MOK: variants seen among roughly 807,000 people sequenced by gnomAD.
MOK encodes MAPK/MAK/MRK overlapping kinase.
MOK carries 59 observed loss-of-function variants against 54.2 expected under a neutral mutation model. That is an observed-to-expected ratio of 1.09 (90% CI 0.88 to 1.35). The LOEUF is 1.35. Ranked by LOEUF, MOK falls within the 40% of genes most tolerant of loss-of-function variation. The probability of loss-of-function intolerance (pLI) is 0.00; values close to 1 mark genes in which losing one functional copy is unlikely to be tolerated. For synonymous variants in MOK, 210 were observed against 202.7 expected (o/e 1.04, Z -0.31); for missense variants, 517 against 526.2 (o/e 0.98, Z 0.17).
chr14:102,287,476 C>T (rs2070259238), intron 1 of MOK, among the ~76,000 whole-genome samples: 1 of 152,094 alleles, frequency 6.6e-6, no homozygotes, highest in African/African-American at 2.4e-5. Context: ...CATGGCAGCG[C>T]TATATATCTG....
intron 1 of MOK, among the ~76,000 whole-genome samples, chr14:102,292,422 G>A (rs1486592969): frequency 2.6e-5 from 4 of 151,938 alleles, no homozygotes; most frequent in African/African-American, 9.7e-5. Context: ...GCAGTGAGCC[G>A]AGATAGCACC....
At chr14:102,289,197 G>A (rs572271709) in intron 1 of MOK, among the ~76,000 whole-genome samples, 188 of 151,862 alleles carry the variant, frequency 1.2e-3, no homozygotes, top group African/African-American at 4.3e-3. Flanking sequence ...GAGCCACTGC[G>A]CTTGGCCAAT....
At chr14:102,267,508 G>A (rs773928345) in intron 2 of MOK, among the ~76,000 whole-genome samples, 2 of 152,210 alleles carry the variant, frequency 1.3e-5, no homozygotes, top group Non-Finnish European at 2.9e-5. Flanking sequence ...GGAGGCTGCA[G>A]TAAGCCAAGA....
intron 2 of MOK, among the ~76,000 whole-genome samples, chr14:102,273,912 G>A (rs2153154331): frequency 6.6e-6 from 1 of 152,224 alleles, no homozygotes; most frequent in African/African-American, 2.4e-5. Context: ...CAAATTGAAC[G>A]ATAGACTCAA....
At chr14:102,222,891 A>G (rs2064082356), downstream of MOK, 2 of 1,614,082 alleles carry the variant, frequency 1.2e-6, no homozygotes, top group South Asian at 2.2e-5. The surrounding 1 kb of genome is among the most constrained non-coding windows in gnomAD (Gnocchi z 4.4). Flanking sequence ...TAGCGACCTC[A>G]CTGCTGCGCG....
chr14:102,274,923 C>T (rs146945730), intron 2 of MOK, among the ~76,000 whole-genome samples: 1,727 of 147,716 alleles, frequency 0.012, 14 homozygotes, highest in Middle Eastern at 0.041. Flanking sequence ...TGCAGTGAGC[C>T]GAGATGACAC....
chr14:102,298,106 C>T (rs2071658227), intron 1 of MOK, among the ~76,000 whole-genome samples: 1 of 152,228 alleles, frequency 6.6e-6, no homozygotes, highest in Non-Finnish European at 1.5e-5. Context: ...GCAGCTCCAC[C>T]TGCAGCCCTG....
Position 102,304,978 on chromosome 14 carries a change from G to C in MOK, c.-10C>G. On this transcript the variant is annotated 5_prime_UTR_variant, in exon 1 of 12. Transcript: ENST00000361847. ...CCCACTCACTCTTCATCTTGGATGCGGAAGCCGGTGACAACCCCTTGCCGA... is the reference window on the plus strand; with the variant it reads ...CCCACTCACTCTTCATCTTGGATGCCGAAGCCGGTGACAACCCCTTGCCGA... The C allele has an allele frequency of 6.2e-7, 1 of 1,609,670 alleles. No individual in the cohort carries two copies. Among genetic ancestry groups the C allele is most frequent in the Non-Finnish European group, 8.5e-7 (1 of 1,178,474 alleles).
intron 2 of MOK, among the ~76,000 whole-genome samples, chr14:102,275,933 A>G (rs984874611): frequency 3.9e-5 from 6 of 152,222 alleles, no homozygotes; most frequent in Admixed American, 1.3e-4. Context: ...TTTCTCCCTT[A>G]GGATGGCTTG....
At chr14:102,295,162 C>T (rs1471526221) in intron 1 of MOK, among the ~76,000 whole-genome samples, 3 of 152,048 alleles carry the variant, frequency 2.0e-5, no homozygotes, top group Admixed American at 6.6e-5. Flanking sequence ...TGTAAATGAA[C>T]GTCATGCCCC....
chr14:102,296,647 T>C (rs540925658), intron 1 of MOK, among the ~76,000 whole-genome samples: 65 of 152,292 alleles, frequency 4.3e-4, no homozygotes, highest in African/African-American at 1.4e-3. Flanking sequence ...AAACAGAAAG[T>C]GGCCAGGCAC....
Position 102,229,303 on chromosome 14 carries a change from T to C in MOK, c.1246A>G (p.Lys416Glu), listed in dbSNP as rs777138987. The change falls in exon 12 of 12, where the codon AAA (lysine) becomes GAA (glutamate). Residue 416 changes from lysine to glutamate, a missense_variant. Coordinates refer to ENST00000361847, the MANE Select transcript of MOK (RefSeq NM_014226.3). Reference protein sequence around the residue: ...QQCRLPTIVRKGGR With the variant: ...QQCRLPTIVREGGR ...GTGCTGCTCAGTTATCTTCCGCCTT[T>C]CCGCACTATGGTGGGCAGGCGACAC... The C allele has an allele frequency of 6.2e-7, 1 of 1,607,386 alleles. No individual in the cohort carries two copies. The highest frequency in any genetic ancestry group is 1.1e-5 in the South Asian group (1 of 90,280).
chr14:102,261,385 CAAAAAAAAAAAAAAAAAA>C (rs1178540689), intron 4 of MOK, among the ~76,000 whole-genome samples: 1 of 6,486 alleles, frequency 1.5e-4, no homozygotes, highest in South Asian at 5.0e-3. Flanking sequence ...CGCCACGTCT[CAAAAAAAAAAAAAAAAAA>C]AAAAAAAAAA....
chr14:102,298,513 C>G (rs1174637014), intron 1 of MOK, among the ~76,000 whole-genome samples: 3 of 152,200 alleles, frequency 2.0e-5, no homozygotes, highest in Non-Finnish European at 4.4e-5. Flanking sequence ...CTGTGTCTAG[C>G]TGATCTCACG....
rs1367771107 is a variant in MOK, at chr14:102,238,875, C to G, written c.591-5086G>C. 1.3e-5 allele frequency among the ~76,000 whole-genome samples: 2 copies of G among 152,164 alleles called. No individual in the cohort carries two copies. The highest frequency in any genetic ancestry group is 2.9e-5 in the Non-Finnish European group (2 of 68,018). On this transcript the variant is annotated intron_variant, in intron 7 of 11. Coordinates refer to ENST00000361847, the MANE Select transcript of MOK (RefSeq NM_014226.3). The surrounding 1 kb of genome is among the most constrained non-coding windows in gnomAD (Gnocchi z 4.8). ...ACCTCCTCTCAAGGAGCCCTCCATT[C>G]CCCATCTATTCCTACACACCAGCTA...
At chr14:102,222,225 C>CT (rs1322955304), downstream of MOK, among the ~76,000 whole-genome samples, 1 of 152,196 alleles carries the variant, frequency 6.6e-6, no homozygotes, top group African/African-American at 2.4e-5. This position sits in a 1 kb window ranked among gnomAD's most constrained non-coding sequence, Gnocchi z 4.4. Flanking sequence ...CACGGCAAGA[C>CT]TACTTTGTTC....
chr14:102,289,873 A>T (rs2070562312), intron 1 of MOK, among the ~76,000 whole-genome samples: 1 of 152,206 alleles, frequency 6.6e-6, no homozygotes, highest in Admixed American at 6.5e-5. Context: ...AAGGAGATTT[A>T]CTGGTCCTTA....
At chr14:102,243,018 C>G (rs968003630) in intron 7 of MOK, among the ~76,000 whole-genome samples, 3 of 152,184 alleles carry the variant, frequency 2.0e-5, no homozygotes, top group African/African-American at 7.2e-5. Flanking sequence ...TTACTTCAGT[C>G]AAACCCAAAT....
chr14:102,221,771 A>G (rs908322578), downstream of MOK, among the ~76,000 whole-genome samples: 15 of 152,146 alleles, frequency 9.9e-5, no homozygotes, highest in African/African-American at 3.4e-4. This position sits in a 1 kb window ranked among gnomAD's most constrained non-coding sequence, Gnocchi z 4.8. Context: ...ATTTGTGTCC[A>G]CACAAGTCCA....
Sources: allele counts gnomAD v4.1 joint callset (sites outside exome capture counted in the v4.1 genomes callset), GRCh38; gene constraint gnomAD v4.1.1; non-coding constraint Gnocchi (gnomAD v3.1); transcripts MANE v1.5; gene names NCBI Gene and HGNC (gene_info 2026-07-23, HGNC 2026-07-21).